Variants in DACH1 observed in about 807,000 individuals in gnomAD.
DACH1 encodes dachshund homolog 1.
Under a neutral mutation model 54.2 loss-of-function variants are expected in DACH1, and 12 were observed. The observed-to-expected ratio is 0.22, with a 90% CI of 0.14 to 0.36. The LOEUF (loss-of-function observed/expected upper bound fraction) is 0.36. Among genes scored for constraint, DACH1 ranks in the 10% least tolerant of loss-of-function variants. The probability of loss-of-function intolerance (pLI) is 1.00; values close to 1 mark genes in which losing one functional copy is unlikely to be tolerated. For missense variants in DACH1, 805 were observed against 929.8 expected, an observed-to-expected ratio of 0.87 and a Z score of 1.75; for synonymous variants, 386 against 366.2, an observed-to-expected ratio of 1.05 and a Z score of -0.62.
chr13:71,524,787 A>AT (rs565658949), intron 6 of DACH1, among the ~76,000 whole-genome samples: 255 of 149,134 alleles, frequency 1.7e-3, no homozygotes, highest in East Asian at 0.011. Context: ...CAGCAATGTT[A>AT]TTTTTTTTTT....
chr13:71,739,627 G>A (rs1884298825), intron 1 of DACH1, among the ~76,000 whole-genome samples: 1 of 152,126 alleles, frequency 6.6e-6, no homozygotes, highest in Admixed American at 6.5e-5. Flanking sequence ...CCACAGGTGG[G>A]TAGCAGCCAC....
intron 2 of DACH1, among the ~76,000 whole-genome samples, chr13:71,676,084 GTTTAA>G (rs1880549364): frequency 6.6e-6 from 1 of 152,178 alleles, no homozygotes; most frequent in Non-Finnish European, 1.5e-5. Context: ...AGATTGTTAT[GTTTAA>G]TTTATTAGTG....
intron 1 of DACH1, among the ~76,000 whole-genome samples, chr13:71,790,977 A>G (rs910570425): frequency 3.3e-5 from 5 of 152,126 alleles, no homozygotes; most frequent in Non-Finnish European, 7.4e-5. Flanking sequence ...GCCAAACAAA[A>G]CTCAAATTAT....
At chr13:71,446,626 T>C (rs1874490897) in intron 10 of DACH1, among the ~76,000 whole-genome samples, 2 of 152,178 alleles carry the variant, frequency 1.3e-5, no homozygotes, top group Non-Finnish European at 2.9e-5. Context: ...TTCCACTCTA[T>C]CACTTTTCCT....
chr13:71,753,544 G>A (rs1307274465), intron 1 of DACH1, among the ~76,000 whole-genome samples: 2 of 152,018 alleles, frequency 1.3e-5, no homozygotes, highest in African/African-American at 4.8e-5. Flanking sequence ...TATAAATAAC[G>A]AAGTTAGTAT....
chr13:71,631,768 T>C lies in DACH1; in HGVS notation c.965-1051A>G, dbSNP rs571814802. Among the ~76,000 whole-genome samples, 15 of 152,186 alleles carry C rather than the reference T, an allele frequency of 9.9e-5. 1 individual carries two copies. The South Asian group carries it at 3.1e-3, about 32-fold the overall frequency. ...GTCCAGAATAGTTCATCTTCATCCATCCAGAGAACAGGGGGTAGAGGCAGA... is the reference window on the plus strand; with the variant it reads ...GTCCAGAATAGTTCATCTTCATCCACCCAGAGAACAGGGGGTAGAGGCAGA... On this transcript the variant is annotated intron_variant, in intron 2 of 10. Coordinates refer to ENST00000613252, the MANE Select transcript of DACH1 (RefSeq NM_080759.6).
At chr13:71,476,394 G>A (rs908915009) in intron 8 of DACH1, among the ~76,000 whole-genome samples, 1 of 151,922 alleles carries the variant, frequency 6.6e-6, no homozygotes, top group African/African-American at 2.4e-5. Flanking sequence ...AATATTTTTT[G>A]TACACTAGAA....
intron 6 of DACH1, among the ~76,000 whole-genome samples, chr13:71,523,838 G>T (rs1345052078): frequency 6.6e-6 from 1 of 152,104 alleles, no homozygotes; most frequent in East Asian, 1.9e-4. Flanking sequence ...ACAGGAAAAA[G>T]AACTCATTCT....
chr13:71,590,321 G>A (rs1873606538), intron 3 of DACH1, among the ~76,000 whole-genome samples: 1 of 152,136 alleles, frequency 6.6e-6, no homozygotes, highest in South Asian at 2.1e-4. Context: ...CTTATATTGT[G>A]TTTTAAATTA....
rs191704349 is a variant in DACH1 at position 71,616,240 on chromosome 13, A to G, written c.1126+14316T>C. ...TTTGGGGAGACTAGAGGTAGATATT[A>G]CAGAGTATTAAGAAACTGGAGCTGT... On this transcript the variant is annotated intron_variant, in intron 3 of 10. Transcript: ENST00000613252. Among the ~76,000 whole-genome samples the G allele has an allele frequency of 1.3e-3, 191 of 152,252 alleles. 1 individual carries two copies. The highest frequency in any genetic ancestry group is 4.6e-3 in the African/African-American group (189 of 41,534).
intron 7 of DACH1, among the ~76,000 whole-genome samples, chr13:71,487,711 C>G (rs2138200653): frequency 6.6e-6 from 1 of 152,244 alleles, no homozygotes; most frequent in East Asian, 1.9e-4. Flanking sequence ...ATGCAAATAG[C>G]TTTTCTTTTG....
chr13:71,585,548 C>T lies in DACH1; in HGVS notation c.1127-12536G>A, dbSNP rs182361179. 5.3e-5 allele frequency among the ~76,000 whole-genome samples: 8 copies of T among 152,206 alleles called. 1 individual carries two copies. In the East Asian group the frequency reaches 1.4e-3, roughly 26 times the overall value. ...AGCACACACCCAGTTCAGAGAGTTGCCTGGGCCATGCAGTGAGGCGAAGAC... is the reference window on the plus strand; with the variant it reads ...AGCACACACCCAGTTCAGAGAGTTGTCTGGGCCATGCAGTGAGGCGAAGAC... On this transcript the variant is annotated intron_variant, in intron 3 of 10. Coordinates refer to ENST00000613252, the MANE Select transcript of DACH1 (RefSeq NM_080759.6).
chr13:71,617,590 T>C (rs1187528184), intron 3 of DACH1, among the ~76,000 whole-genome samples: 1 of 152,198 alleles, frequency 6.6e-6, no homozygotes, highest in Non-Finnish European at 1.5e-5. Flanking sequence ...ATTATTGCCC[T>C]GAATCACACC....
At chr13:71,473,988 A>G (rs1478473815) in intron 10 of DACH1, among the ~76,000 whole-genome samples, 1 of 152,232 alleles carries the variant, frequency 6.6e-6, no homozygotes, top group Admixed American at 6.5e-5. Context: ...AAACACATAC[A>G]CAATATAATT....
At chr13:71,834,013 T>C (rs1336304335) in intron 1 of DACH1, among the ~76,000 whole-genome samples, 1 of 151,994 alleles carries the variant, frequency 6.6e-6, no homozygotes, top group Non-Finnish European at 1.5e-5. Flanking sequence ...ATGTTTAACT[T>C]TACAAAAGTA....
At chr13:71,660,988 T>C (rs550747988) in intron 2 of DACH1, among the ~76,000 whole-genome samples, 65 of 149,586 alleles carry the variant, frequency 4.3e-4, no homozygotes, top group African/African-American at 1.5e-3. Flanking sequence ...AAAAAGGACA[T>C]GAGATTGTTC....
At chr13:71,558,676 T>A (rs1593892438) in intron 5 of DACH1, among the ~76,000 whole-genome samples, 2 of 152,048 alleles carry the variant, frequency 1.3e-5, no homozygotes, top group Non-Finnish European at 2.9e-5. Context: ...TAAAATTGTA[T>A]ATAAAGTTAC....
chr13:71,580,599 T>G (rs563683241), intron 3 of DACH1, among the ~76,000 whole-genome samples: 29 of 152,310 alleles, frequency 1.9e-4, no homozygotes, highest in Admixed American at 1.4e-3. Context: ...TGAGGAAAAT[T>G]GCTATTGAAT....
At chr13:71,697,072 T>C (rs1454570670) in intron 1 of DACH1, among the ~76,000 whole-genome samples, 1 of 152,156 alleles carries the variant, frequency 6.6e-6, no homozygotes, top group Non-Finnish European at 1.5e-5. Flanking sequence ...CCTCACTGTG[T>C]TTTTATCTTC....
Sources: allele counts gnomAD v4.1 joint callset (sites outside exome capture counted in the v4.1 genomes callset), GRCh38; gene constraint gnomAD v4.1.1; transcripts MANE v1.5; gene names NCBI Gene and HGNC (gene_info 2026-07-23, HGNC 2026-07-21).